Variants in ANKRD6 observed in about 807,000 individuals in gnomAD.
ANKRD6 encodes ankyrin repeat domain 6.
In ANKRD6, 56 loss-of-function variants were observed where a neutral mutation model predicts 82.3. The ratio of observed to expected loss-of-function variants is 0.68; its 90% CI spans 0.55 to 0.85. The LOEUF (loss-of-function observed/expected upper bound fraction) is 0.85, where lower values mean the gene tolerates loss of function less well. ANKRD6 is among the 40% of genes least tolerant of loss of function. The pLI, the probability that ANKRD6 is intolerant of heterozygous loss-of-function variation, is 0.00. For missense variants in ANKRD6, 852 were observed against 907.6 expected, an observed-to-expected ratio of 0.94 and a Z score of 0.79; for synonymous variants, 347 against 352.1, an observed-to-expected ratio of 0.99 and a Z score of 0.16.
At chr6:89,508,970 G>T (rs575202018) in intron 1 of ANKRD6, 104 of 152,594 alleles carry the variant, frequency 6.8e-4, no homozygotes, top group Non-Finnish European at 1.2e-3. Flanking sequence ...TGAGGAGGGT[G>T]CTTCCAAAAG....
chr6:89,520,839 C>T (rs1422591815), intron 1 of ANKRD6, among the ~76,000 whole-genome samples: 4 of 152,144 alleles, frequency 2.6e-5, no homozygotes, highest in Admixed American at 2.0e-4. Context: ...TGGTGGCTCA[C>T]ACTTGTAATC....
intron 2 of ANKRD6, among the ~76,000 whole-genome samples, chr6:89,578,852 G>A (rs1159396455): frequency 6.6e-6 from 1 of 152,158 alleles, no homozygotes; most frequent in Non-Finnish European, 1.5e-5. Flanking sequence ...AGTAGTAGGT[G>A]CTAGCCCTGA....
chr6:89,581,143 A>G (rs903367746), intron 2 of ANKRD6, among the ~76,000 whole-genome samples: 3 of 152,130 alleles, frequency 2.0e-5, no homozygotes, highest in African/African-American at 7.2e-5. Flanking sequence ...GTGTTTCCCC[A>G]TTTTATACAA....
intron 1 of ANKRD6, chr6:89,483,694 G>A (rs1230519554): frequency 6.6e-6 from 1 of 152,184 alleles, no homozygotes; most frequent in South Asian, 2.1e-4. Flanking sequence ...TCCTTTAAAG[G>A]TTTTTGAAAT....
At chr6:89,588,128 A>G (rs1328018) in intron 2 of ANKRD6, among the ~76,000 whole-genome samples, 132,775 of 152,148 alleles carry the variant, frequency 0.87, 58,012 homozygotes, top group East Asian at 0.95. Flanking sequence ...AAGTTGGTGG[A>G]GTCTTCCACT....
chr6:89,567,221 G>A (rs1583327028), intron 2 of ANKRD6, 125 bp downstream of exon 2: 1 of 1,325,688 alleles, frequency 7.5e-7, no homozygotes, highest in Non-Finnish European at 1.0e-6. Context: ...CAATGATGGA[G>A]GTTTGGGGAG....
chr6:89,527,588 G>A (rs1782642626), intron 1 of ANKRD6, among the ~76,000 whole-genome samples: 1 of 123,128 alleles, frequency 8.1e-6, no homozygotes, highest in African/African-American at 3.2e-5. Flanking sequence ...AGCAAGACAG[G>A]GAGACTCCGT....
chr6:89,533,830 A>G (rs1394032752), intron 1 of ANKRD6, among the ~76,000 whole-genome samples: 2 of 151,578 alleles, frequency 1.3e-5, no homozygotes, highest in Non-Finnish European at 2.9e-5. Flanking sequence ...CCTGTCTTCC[A>G]CTTACAGTGA....
At chr6:89,605,034 G>C (rs1356891587) in intron 4 of ANKRD6, among the ~76,000 whole-genome samples, 1 of 115,692 alleles carries the variant, frequency 8.6e-6, no homozygotes, top group Non-Finnish European at 1.8e-5. Flanking sequence ...ATATTTATTT[G>C]TTTAAAATAG....
intron 1 of ANKRD6, among the ~76,000 whole-genome samples, chr6:89,530,431 C>T (rs192179609): frequency 2.9e-4 from 44 of 151,648 alleles, no homozygotes; most frequent in Non-Finnish European, 5.3e-4. Flanking sequence ...AGTGAAGCGC[C>T]GTAAAATGAG....
At chr6:89,539,290 T>C (rs1408571816) in intron 1 of ANKRD6, among the ~76,000 whole-genome samples, 1 of 152,174 alleles carries the variant, frequency 6.6e-6, no homozygotes, top group Admixed American at 6.5e-5. Context: ...TGTTGTTTCA[T>C]TTACATAAGC....
intron 1 of ANKRD6, among the ~76,000 whole-genome samples, chr6:89,543,201 T>C (rs959448530): frequency 1.3e-5 from 2 of 152,366 alleles, no homozygotes; most frequent in East Asian, 3.9e-4. Flanking sequence ...TTATGAGTGA[T>C]GGCTGCCAGC....
chr6:89,624,155 G>C (rs1215698808), intron 12 of ANKRD6, 98 bp downstream of exon 12: 5 of 1,338,280 alleles, frequency 3.7e-6, no homozygotes, highest in Non-Finnish European at 5.0e-6. Context: ...TTTAGGCATT[G>C]ACTTAGTTGA....
intron 1 of ANKRD6, among the ~76,000 whole-genome samples, chr6:89,500,972 CTTTTTTT>C (rs35877637): frequency 8.2e-6 from 1 of 121,824 alleles, no homozygotes; most frequent in Admixed American, 8.6e-5. Context: ...CCCAATTAGT[CTTTTTTT>C]TTTTTTTTTT....
In ANKRD6 at chr6:89,444,582, A is replaced by G. The variant is rs562142179; in HGVS notation, c.-144+11207A>G. Among the ~76,000 whole-genome samples the G allele has an allele frequency of 5.3e-5, 8 of 152,364 alleles. No individual in the cohort carries two copies. In the South Asian group the frequency reaches 1.2e-3, roughly 24 times the overall value. Reference sequence around the variant, plus strand: ...ATATAAGTAAACATTTTATCATCCAATGACAGACTTATAACTAATTAGATA... The same window carrying G: ...ATATAAGTAAACATTTTATCATCCAGTGACAGACTTATAACTAATTAGATA... On this transcript the variant is annotated intron_variant, in intron 1 of 15. Transcript: ENST00000339746.
At chr6:89,465,677 A>G (rs895782587) in intron 1 of ANKRD6, among the ~76,000 whole-genome samples, 4 of 151,996 alleles carry the variant, frequency 2.6e-5, no homozygotes, top group African/African-American at 2.4e-5. Context: ...CCTGGGCAAC[A>G]TGGTGAGACC....
chr6:89,563,665 C>T (rs745374689), intron 1 of ANKRD6, among the ~76,000 whole-genome samples: 26 of 152,174 alleles, frequency 1.7e-4, no homozygotes, highest in Non-Finnish European at 3.4e-4. Flanking sequence ...CCCTCTATTC[C>T]CTTTCCCTCC....
chr6:89,465,788 G>T (rs1429629306), intron 1 of ANKRD6, among the ~76,000 whole-genome samples: 1 of 152,038 alleles, frequency 6.6e-6, no homozygotes. Flanking sequence ...ACTTGAGCCC[G>T]GGAGATCAAT....
At chr6:89,452,933 A>T (rs1354520881) in intron 1 of ANKRD6, among the ~76,000 whole-genome samples, 6 of 152,166 alleles carry the variant, frequency 3.9e-5, no homozygotes, top group African/African-American at 1.4e-4. Context: ...TAGAAAGGTG[A>T]CCGCTGGACT....
Sources: allele counts gnomAD v4.1 joint callset (sites outside exome capture counted in the v4.1 genomes callset), GRCh38; gene constraint gnomAD v4.1.1; transcripts MANE v1.5; gene names NCBI Gene and HGNC (gene_info 2026-07-23, HGNC 2026-07-21).